The following GRIK1 variants were observed in gnomAD, a reference collection of about 807,000 sequenced individuals.
The protein encoded by GRIK1 is glutamate ionotropic receptor kainate type subunit 1, also known as glutamate receptor ionotropic, kainate 1.
In GRIK1, 69 loss-of-function variants were observed where a neutral mutation model predicts 105.7. That is an observed-to-expected ratio of 0.65 (90% CI 0.54 to 0.80). The LOEUF is 0.80. Ranked by LOEUF, GRIK1 falls within the 30% of genes least tolerant of loss-of-function variation. The pLI is 0.00. For missense variants in GRIK1, 1,109 were observed against 1,167.3 expected (o/e 0.95, Z 0.73); for synonymous variants, 438 against 431.3 (o/e 1.02, Z -0.19).
intron 1 of GRIK1, among the ~76,000 whole-genome samples, chr21:29,913,572 G>C (rs901792308): frequency 1.3e-5 from 2 of 151,326 alleles, no homozygotes; most frequent in Admixed American, 1.3e-4. Context: ...TAAAGACCTG[G>C]AATAGGATAT....
At chr21:29,806,960 C>T (rs1401602781) in intron 1 of GRIK1, among the ~76,000 whole-genome samples, 1 of 152,130 alleles carries the variant, frequency 6.6e-6, no homozygotes, top group African/African-American at 2.4e-5. Context: ...ATATACTGAA[C>T]TTTATATAGG....
chr21:29,709,168 C>A (rs763271601), intron 1 of GRIK1, among the ~76,000 whole-genome samples: 6 of 151,794 alleles, frequency 4.0e-5, no homozygotes, highest in African/African-American at 7.3e-5. Flanking sequence ...TTTCTGGACT[C>A]TTCTGTTCCA....
intron 1 of GRIK1, among the ~76,000 whole-genome samples, chr21:29,905,643 T>C (rs1602006317): frequency 8.7e-6 from 1 of 114,444 alleles, no homozygotes; most frequent in East Asian, 2.4e-4. Flanking sequence ...TTTTTTTTTT[T>C]TGAGACGGAG....
At chr21:29,770,133 A>G (rs1447583552) in intron 1 of GRIK1, among the ~76,000 whole-genome samples, 2 of 152,284 alleles carry the variant, frequency 1.3e-5, no homozygotes, top group East Asian at 3.9e-4. Context: ...CTTTCAACTG[A>G]TACAAACACT....
Position 29,828,276 on chromosome 21 carries a change from C to T in GRIK1, c.118+111107G>A, listed in dbSNP as rs1305196156. On this transcript the variant is annotated intron_variant, in intron 1 of 17. Coordinates refer to ENST00000327783, the MANE Select transcript of GRIK1 (RefSeq NM_001330994.2). ...CCAGGAGGCATGGTTTACTAGAAGT[C>T]ACTTACATAACAGACTGCCACAAAC... 2.6e-5 allele frequency among the ~76,000 whole-genome samples: 4 copies of T among 152,028 alleles called. No individual in the cohort carries two copies. In the East Asian group the frequency reaches 7.7e-4, roughly 29 times the overall value.
chr21:29,870,526 A>T (rs1458874258), intron 1 of GRIK1, among the ~76,000 whole-genome samples: 2 of 151,352 alleles, frequency 1.3e-5, no homozygotes, highest in Non-Finnish European at 2.9e-5. Flanking sequence ...AATAATACAT[A>T]TAACATATTT....
chr21:29,888,153 C>CTTT (rs1569191344), intron 1 of GRIK1, among the ~76,000 whole-genome samples: 250 of 66,758 alleles, frequency 3.7e-3, no homozygotes, highest in African/African-American at 0.014. Context: ...CTCCCTCCCT[C>CTTT]CTTTCTTTTT....
intron 9 of GRIK1, among the ~76,000 whole-genome samples, chr21:29,595,340 GTTT>G (rs71191119): frequency 6.6e-5 from 9 of 136,976 alleles, no homozygotes; most frequent in South Asian, 2.4e-4. Flanking sequence ...AGTGTAATAG[GTTT>G]TTTTTTTTTT....
At chr21:29,544,668 A>G (rs566328934) in intron 16 of GRIK1, among the ~76,000 whole-genome samples, 2 of 152,372 alleles carry the variant, frequency 1.3e-5, no homozygotes, top group Admixed American at 6.5e-5. Flanking sequence ...CTTTGAAGCT[A>G]TTAATTACAA....
intron 1 of GRIK1, among the ~76,000 whole-genome samples, chr21:29,887,548 T>C (rs2069678124): frequency 6.6e-6 from 1 of 152,304 alleles, no homozygotes; most frequent in South Asian, 2.1e-4. Flanking sequence ...TGTGCTAGAC[T>C]ACTGATAACA....
intron 4 of GRIK1, among the ~76,000 whole-genome samples, chr21:29,672,057 T>C (rs1310468938): frequency 1.5e-5 from 2 of 129,288 alleles, no homozygotes; most frequent in Non-Finnish European, 1.6e-5. Flanking sequence ...CTGAATTTAC[T>C]TTTTTTTTTT....
intron 3 of GRIK1, among the ~76,000 whole-genome samples, chr21:29,676,365 C>G (rs1250932695): frequency 6.6e-6 from 1 of 152,186 alleles, no homozygotes. Flanking sequence ...TTAAGAAAAG[C>G]CTTTCTGCCT....
intron 1 of GRIK1, among the ~76,000 whole-genome samples, chr21:29,774,502 A>T (rs1321697999): frequency 7.7e-6 from 1 of 130,338 alleles, no homozygotes; most frequent in Non-Finnish European, 1.5e-5. Context: ...CTCAGGCTGG[A>T]GTGCAGTGGC....
chr21:29,629,386 A>G (rs754514715), intron 7 of GRIK1, among the ~76,000 whole-genome samples: 5 of 152,150 alleles, frequency 3.3e-5, no homozygotes, highest in Admixed American at 6.5e-5. Context: ...AAAAGGCACA[A>G]TGTCTCATCC....
chr21:29,857,356 G>GGCAATCCCTT (rs2068494389), intron 1 of GRIK1, among the ~76,000 whole-genome samples: 2 of 152,202 alleles, frequency 1.3e-5, no homozygotes, highest in Admixed American at 1.3e-4. Context: ...TTCCAAGCCT[G>GGCAATCCCTT]GCAATCCCTT....
chr21:29,599,618 T>A (rs540261113), intron 7 of GRIK1, among the ~76,000 whole-genome samples: 19 of 152,248 alleles, frequency 1.2e-4, no homozygotes, highest in Admixed American at 6.5e-4. Flanking sequence ...TCTGGTGGCT[T>A]CTGGCATTTC....
chr21:29,856,353 T>C (rs962382289), intron 1 of GRIK1, among the ~76,000 whole-genome samples: 3 of 152,130 alleles, frequency 2.0e-5, no homozygotes, highest in African/African-American at 7.2e-5. Context: ...GCCAATTATG[T>C]TGAAAACTTT....
At chr21:29,873,881 A>G (rs2069103105) in intron 1 of GRIK1, among the ~76,000 whole-genome samples, 1 of 152,168 alleles carries the variant, frequency 6.6e-6, no homozygotes, top group Non-Finnish European at 1.5e-5. Flanking sequence ...TTTTCCACGG[A>G]TGGCAGAGGC....
intron 1 of GRIK1, among the ~76,000 whole-genome samples, chr21:29,936,245 G>A (rs1294459417): frequency 6.6e-6 from 1 of 152,138 alleles, no homozygotes; most frequent in Non-Finnish European, 1.5e-5. Flanking sequence ...TGTATGTGTT[G>A]AGATGATGCA....
Sources: gnomAD v4.1 joint callset for allele counts (sites outside exome capture counted in the v4.1 genomes callset) on GRCh38, gnomAD v4.1.1 for gene constraint, MANE v1.5 for transcripts, NCBI Gene and HGNC (gene_info 2026-07-23, HGNC 2026-07-21) for gene names.